The following ROCK2 variants were observed in gnomAD, a reference collection of about 807,000 sequenced individuals.
ROCK2 encodes the protein rho-associated protein kinase 2.
In ROCK2, 61 loss-of-function variants were observed where a neutral mutation model predicts 195.1. The observed-to-expected ratio is 0.31, with a 90% CI of 0.25 to 0.39. The LOEUF (loss-of-function observed/expected upper bound fraction) is 0.39. ROCK2 is among the 10% of genes least tolerant of loss of function. The probability of loss-of-function intolerance (pLI) is 1.00; values close to 1 mark genes in which losing one functional copy is unlikely to be tolerated. For missense variants in ROCK2, 1,109 were observed against 1,637.4 expected (o/e 0.68, Z 5.57); for synonymous variants, 504 against 545.5 (o/e 0.92, Z 1.06).
At chr2:11,205,155 T>C (rs1664004579) in intron 20 of ROCK2, among the ~76,000 whole-genome samples, 1 of 152,176 alleles carries the variant, frequency 6.6e-6, no homozygotes, top group South Asian at 2.1e-4. Context: ...TTGTACCCAA[T>C]TACTCTGTAG....
intron 1 of ROCK2, among the ~76,000 whole-genome samples, chr2:11,339,530 G>GAAA (rs1317219755): frequency 1.9e-5 from 1 of 52,346 alleles, no homozygotes; most frequent in Non-Finnish European, 4.5e-5. Flanking sequence ...TTCCATAACA[G>GAAA]AAAAAAAAAA....
intron 3 of ROCK2, among the ~76,000 whole-genome samples, chr2:11,258,415 G>A (rs373809162): frequency 2.6e-5 from 4 of 151,588 alleles, no homozygotes; most frequent in South Asian, 4.2e-4. Context: ...TTTCAAGGCA[G>A]GAGGCTTTGT....
At chr2:11,195,842 G>T (rs1411167779) in intron 27 of ROCK2, among the ~76,000 whole-genome samples, 1 of 152,102 alleles carries the variant, frequency 6.6e-6, no homozygotes, top group African/African-American at 2.4e-5. Context: ...ATAAAATTTG[G>T]TTAATAAGCA....
At chr2:11,221,089 G>GA (rs1176167877) in intron 9 of ROCK2, 109 bp downstream of exon 9, 13 of 772,932 alleles carry the variant, frequency 1.7e-5, no homozygotes, top group Admixed American at 6.2e-5. Context: ...AGTCCTTTTG[G>GA]AAAAAACAAA....
chr2:11,218,704 T>C (rs1268014708), intron 10 of ROCK2, among the ~76,000 whole-genome samples: 1 of 152,226 alleles, frequency 6.6e-6, no homozygotes, highest in Admixed American at 6.5e-5. Flanking sequence ...TATAGTTGTT[T>C]ACAAACTTAT....
intron 3 of ROCK2, among the ~76,000 whole-genome samples, chr2:11,279,554 GAAGA>G (rs1348012052): frequency 2.6e-5 from 4 of 152,190 alleles, no homozygotes; most frequent in Non-Finnish European, 5.9e-5. Flanking sequence ...AGAACAGCAA[GAAGA>G]AAGAGATAAA....
rs928387659 is a variant in ROCK2 at position 11,181,332 on chromosome 2, A to G, written c.*2105T>C. ...AAATATTTATTCTATATAAATTTAT[A>G]TATTTTTCATTTTTTAATCTTACTT... On this transcript the variant is annotated 3_prime_UTR_variant, in exon 33 of 33. Transcript: ENST00000315872. 6.6e-6 allele frequency: 1 copy of G among 151,208 alleles called. No homozygotes were observed. The highest frequency in any genetic ancestry group is 1.5e-5 in the Non-Finnish European group (1 of 67,848). 9.4% of individuals were successfully genotyped at this position (151,208 alleles called of 1,614,324 possible). A position where few individuals can be genotyped will look rare whatever the true frequency, so the allele number is the denominator to read the frequency against.
chr2:11,194,800 A>T (rs920978995), intron 28 of ROCK2, among the ~76,000 whole-genome samples, 155 bp downstream of exon 28: 1 of 152,146 alleles, frequency 6.6e-6, no homozygotes, highest in Non-Finnish European at 1.5e-5. Flanking sequence ...TTTTACAAAG[A>T]TAAATAAAAT....
chr2:11,276,607 A>G (rs1244544893), intron 3 of ROCK2, among the ~76,000 whole-genome samples: 2 of 152,240 alleles, frequency 1.3e-5, no homozygotes, highest in African/African-American at 2.4e-5. Flanking sequence ...CCTAGAGTCA[A>G]TGCAAACCCT....
intron 3 of ROCK2, among the ~76,000 whole-genome samples, chr2:11,277,078 T>C (rs1294270742): frequency 2.6e-5 from 4 of 152,208 alleles, no homozygotes; most frequent in Admixed American, 6.5e-5. Flanking sequence ...TCCTCTAATA[T>C]TAACATATTA....
chr2:11,280,546 C>T (rs891026491), intron 3 of ROCK2, among the ~76,000 whole-genome samples: 1 of 151,926 alleles, frequency 6.6e-6, no homozygotes, highest in Non-Finnish European at 1.5e-5. Context: ...GGGAGGATCA[C>T]TTGAGCCCAG....
At chr2:11,295,979 A>AGAGAGAG (rs1667504788) in intron 1 of ROCK2, among the ~76,000 whole-genome samples, 2 of 74,332 alleles carry the variant, frequency 2.7e-5, no homozygotes, top group African/African-American at 8.1e-5. Context: ...AGAGAGAGAG[A>AGAGAGAG]GAGAGAGAGA....
intron 18 of ROCK2, 53 bp downstream of exon 18, chr2:11,211,628 G>A: frequency 6.8e-7 from 1 of 1,465,974 alleles, no homozygotes; most frequent in South Asian, 1.5e-5. Context: ...AGCTAACACA[G>A]AATCAATTCT....
At chr2:11,318,387 G>A (rs1478575234) in intron 1 of ROCK2, among the ~76,000 whole-genome samples, 1 of 152,160 alleles carries the variant, frequency 6.6e-6, no homozygotes, top group East Asian at 1.9e-4. Flanking sequence ...TTTTTCATGT[G>A]TCTGTTGGCT....
At chr2:11,272,416 A>T (rs1666670339) in intron 3 of ROCK2, among the ~76,000 whole-genome samples, 1 of 152,216 alleles carries the variant, frequency 6.6e-6, no homozygotes, top group Non-Finnish European at 1.5e-5. Context: ...ACATATTTTT[A>T]AATTATTAAT....
chr2:11,268,952 C>T (rs968455813), intron 3 of ROCK2, among the ~76,000 whole-genome samples: 1 of 152,178 alleles, frequency 6.6e-6, no homozygotes, highest in African/African-American at 2.4e-5. Flanking sequence ...ACTTTTCAAT[C>T]TGTTTTCTTT....
chr2:11,207,680 A>G (rs974393450), intron 20 of ROCK2, 46 bp downstream of exon 20: 1 of 1,424,392 alleles, frequency 7.0e-7, no homozygotes, highest in Non-Finnish European at 9.6e-7. Flanking sequence ...ATTAACTTAT[A>G]CATGGATAAT....
At chr2:11,238,715 G>C (rs1389853080) in intron 4 of ROCK2, among the ~76,000 whole-genome samples, 1 of 151,996 alleles carries the variant, frequency 6.6e-6, no homozygotes, top group Non-Finnish European at 1.5e-5. Flanking sequence ...AGGAATGGTC[G>C]CACACCTGTA....
At chr2:11,196,575 A>G (rs1489353521) in intron 27 of ROCK2, among the ~76,000 whole-genome samples, 3 of 152,254 alleles carry the variant, frequency 2.0e-5, no homozygotes, top group African/African-American at 4.8e-5. Flanking sequence ...GTCTACAACA[A>G]CATATTAGAG....
Sources: gnomAD v4.1 joint callset for allele counts (sites outside exome capture counted in the v4.1 genomes callset) on GRCh38, gnomAD v4.1.1 for gene constraint, MANE v1.5 for transcripts, NCBI Gene and HGNC (gene_info 2026-07-23, HGNC 2026-07-21) for gene names.